ASCC1: variants seen among roughly 807,000 people sequenced by gnomAD.
ASCC1 encodes the protein activating signal cointegrator 1 complex subunit 1.
A neutral mutation model predicts 46.6 loss-of-function variants in ASCC1; 35 were observed. The observed-to-expected ratio is 0.75, with a 90% CI of 0.57 to 0.99. The LOEUF (loss-of-function observed/expected upper bound fraction) is 0.99. Ranked by LOEUF, ASCC1 falls within the 50% of genes least tolerant of loss-of-function variation. The probability of loss-of-function intolerance (pLI) is 0.00; values close to 1 mark genes in which losing one functional copy is unlikely to be tolerated. For missense variants in ASCC1, 376 were observed against 428.7 expected, an observed-to-expected ratio of 0.88 and a Z score of 1.09; for synonymous variants, 143 against 146.6, an observed-to-expected ratio of 0.98 and a Z score of 0.18.
chr10:72,169,388 T>C (rs1306310370), intron 5 of ASCC1, among the ~76,000 whole-genome samples: 2 of 152,082 alleles, frequency 1.3e-5, no homozygotes, highest in Non-Finnish European at 2.9e-5. Context: ...TACAGTGAGC[T>C]GTGATAGTGC....
At chr10:72,175,492 C>G (rs900636599) in intron 5 of ASCC1, among the ~76,000 whole-genome samples, 1 of 152,116 alleles carries the variant, frequency 6.6e-6, no homozygotes, top group Non-Finnish European at 1.5e-5. Context: ...GTGTTATTAA[C>G]GAAATACTGT....
chr10:72,149,039 A>G (rs1847964432), intron 7 of ASCC1, among the ~76,000 whole-genome samples: 1 of 152,210 alleles, frequency 6.6e-6, no homozygotes, highest in Non-Finnish European at 1.5e-5. Flanking sequence ...CAGGTATGAG[A>G]AACCATTTGT....
At chr10:72,164,618 A>T (rs1185762107) in intron 5 of ASCC1, among the ~76,000 whole-genome samples, 1 of 152,360 alleles carries the variant, frequency 6.6e-6, no homozygotes, top group Non-Finnish European at 1.5e-5. Context: ...CTGTGTTAAC[A>T]TATGTTTTCA....
intron 7 of ASCC1, among the ~76,000 whole-genome samples, chr10:72,146,711 G>GT (rs1391968926): frequency 6.6e-6 from 1 of 152,020 alleles, no homozygotes; most frequent in Non-Finnish European, 1.5e-5. Flanking sequence ...GGATGCATTA[G>GT]TAAGTGTAAC....
chr10:72,144,796 G>A (rs1488770808), intron 7 of ASCC1, among the ~76,000 whole-genome samples: 1 of 151,668 alleles, frequency 6.6e-6, no homozygotes, highest in Non-Finnish European at 1.5e-5. Context: ...TGATATTTTA[G>A]TTCTATCATT....
chr10:72,174,712 G>T (rs1013793170), intron 5 of ASCC1, among the ~76,000 whole-genome samples: 1 of 152,128 alleles, frequency 6.6e-6, no homozygotes, highest in African/African-American at 2.4e-5. Flanking sequence ...TATAACAAAC[G>T]TTTGTGCCTT....
At chr10:72,138,596 C>CTT (rs1197201999) in intron 7 of ASCC1, among the ~76,000 whole-genome samples, 19 of 133,298 alleles carry the variant, frequency 1.4e-4, no homozygotes, top group African/African-American at 5.3e-4. Flanking sequence ...TTCTTTCTTT[C>CTT]TTTCTTTTTT....
At chr10:72,113,498 A>G (rs1054363387) in intron 9 of ASCC1, among the ~76,000 whole-genome samples, 10 of 152,246 alleles carry the variant, frequency 6.6e-5, no homozygotes, top group East Asian at 1.9e-4. Context: ...ACTGACAGCC[A>G]TATCTTCAGA....
At chr10:72,149,318 G>C (rs907121490) in intron 7 of ASCC1, among the ~76,000 whole-genome samples, 1 of 151,448 alleles carries the variant, frequency 6.6e-6, no homozygotes. Context: ...GGTGCCTGTA[G>C]TCTCAGCTAC....
chr10:72,162,463 G>A (rs183538790), intron 5 of ASCC1, among the ~76,000 whole-genome samples: 15 of 151,156 alleles, frequency 9.9e-5, no homozygotes, highest in African/African-American at 3.4e-4. Context: ...GAGCCACCGC[G>A]CCTGGCCCAA....
chr10:72,143,577 C>T (rs10823904), intron 7 of ASCC1, among the ~76,000 whole-genome samples: 103,970 of 147,744 alleles, frequency 0.7, 38,403 homozygotes, highest in African/African-American at 0.92. Context: ...GTATAATATG[C>T]AAGATACCAA....
intron 9 of ASCC1, among the ~76,000 whole-genome samples, chr10:72,122,929 A>T (rs556011055): frequency 7.0e-4 from 106 of 152,240 alleles, no homozygotes; most frequent in Non-Finnish European, 5.0e-4. Context: ...TATTTAGTGC[A>T]TGTTAGAAAA....
rs576918282 is a variant in ASCC1 at position 72,200,829 on chromosome 10, T to G, written c.310+2598A>C. On this transcript the variant is annotated intron_variant, in intron 4 of 9. Coordinates refer to ENST00000672957, the MANE Select transcript of ASCC1 (RefSeq NM_001198800.3). ...AAGTCCTTCCAAATGCTGTTAAAAG[T>G]TCTAATGCTAGAGTTTGTTGACATT... 6.6e-5 allele frequency among the ~76,000 whole-genome samples: 10 copies of G among 152,290 alleles called. No homozygotes were observed. In the East Asian group the frequency reaches 1.9e-3, roughly 29 times the overall value.
At chr10:72,118,138 C>T (rs948102396) in intron 9 of ASCC1, among the ~76,000 whole-genome samples, 11 of 151,920 alleles carry the variant, frequency 7.2e-5, no homozygotes, top group South Asian at 2.1e-4. Context: ...GAGGCTGAGG[C>T]GGGCAGATCA....
chr10:72,137,727 C>G (rs181066056), intron 7 of ASCC1, among the ~76,000 whole-genome samples: 1 of 152,208 alleles, frequency 6.6e-6, no homozygotes, highest in Admixed American at 6.5e-5. Flanking sequence ...AACCTCACCA[C>G]GCAGATAAAC....
chr10:72,132,982 T>A (rs112217483), intron 8 of ASCC1, 75 bp downstream of exon 8: 1 of 1,589,680 alleles, frequency 6.3e-7, no homozygotes, highest in African/African-American at 1.3e-5. Flanking sequence ...CTTTGATAGC[T>A]CATTCTACCT....
At chr10:72,118,615 A>G (rs1226132749) in intron 9 of ASCC1, among the ~76,000 whole-genome samples, 1 of 151,498 alleles carries the variant, frequency 6.6e-6, no homozygotes, top group African/African-American at 2.4e-5. Flanking sequence ...CCCCGTCTCT[A>G]CTAAAAATAC....
chr10:72,204,140 T>C (rs1455366365), intron 3 of ASCC1, among the ~76,000 whole-genome samples: 2 of 152,086 alleles, frequency 1.3e-5, no homozygotes, highest in African/African-American at 4.8e-5. Context: ...TCCCAGCTAC[T>C]TGGGAGGCTA....
At chr10:72,210,460 G>A (rs1157554143) in intron 3 of ASCC1, among the ~76,000 whole-genome samples, 5 of 151,974 alleles carry the variant, frequency 3.3e-5, no homozygotes, top group South Asian at 2.1e-4. Context: ...GCACCTGGCC[G>A]AAACCTCTTT....
Sources: gnomAD v4.1 joint callset for allele counts (sites outside exome capture counted in the v4.1 genomes callset) on GRCh38, gnomAD v4.1.1 for gene constraint, MANE v1.5 for transcripts, NCBI Gene and HGNC (gene_info 2026-07-23, HGNC 2026-07-21) for gene names.